The following SUGCT variants were observed in gnomAD, a reference collection of about 807,000 sequenced individuals.
The protein encoded by SUGCT is succinyl-CoA:glutarate CoA-transferase.
A neutral mutation model predicts 55.0 loss-of-function variants in SUGCT; 41 were observed. The ratio of observed to expected loss-of-function variants is 0.74; its 90% confidence interval spans 0.58 to 0.97. The LOEUF is 0.97. Among genes scored for constraint, SUGCT ranks in the 50% least tolerant of loss-of-function variants. The pLI, the probability that SUGCT is intolerant of heterozygous loss-of-function variation, is 0.00. For missense variants in SUGCT, 568 were observed against 547.8 expected (o/e 1.04, Z -0.37); for synonymous variants, 187 against 200.4 (o/e 0.93, Z 0.56).
At chr7:40,318,388 G>C (rs966304324) in intron 9 of SUGCT, among the ~76,000 whole-genome samples, 1 of 152,004 alleles carries the variant, frequency 6.6e-6, no homozygotes, top group African/African-American at 2.4e-5. Context: ...AACAATGTTG[G>C]AATCTATGGG....
Position 40,248,393 on chromosome 7 carries a change from T to C in SUGCT, c.576+10667T>C, listed in dbSNP as rs562291195. ...TATTTTAAATCATGTTTCCTGGAGA[T>C]TATCCTATATCAATACACTTGCTTT... On this transcript the variant is annotated intron_variant, in intron 7 of 13. Coordinates refer to ENST00000335693, the MANE Select transcript of SUGCT (RefSeq NM_001193313.2). 3.3e-5 allele frequency among the ~76,000 whole-genome samples: 5 copies of C among 152,250 alleles called. No individual in the cohort carries two copies. In the South Asian group the frequency reaches 1.0e-3, roughly 32 times the overall value.
the SUGCT span, among the ~76,000 whole-genome samples, chr7:40,957,466 T>A: frequency 1.0e-5 from 1 of 99,856 alleles, no homozygotes; most frequent in Non-Finnish European, 2.1e-5. Context: ...TTTTTTTTTT[T>A]TTTTTTGGCT....
intron 12 of SUGCT, among the ~76,000 whole-genome samples, chr7:40,639,168 C>G (rs1191221947): frequency 1.3e-5 from 2 of 152,154 alleles, no homozygotes; most frequent in Admixed American, 6.5e-5. Context: ...GCTATACTAT[C>G]TGTTTATAGC....
At chr7:40,535,663 A>G (rs1400977337) in intron 12 of SUGCT, among the ~76,000 whole-genome samples, 1 of 152,192 alleles carries the variant, frequency 6.6e-6, no homozygotes. Context: ...CATATATACT[A>G]TGGAATACTA....
At chr7:40,272,019 T>G (rs1792053203) in intron 7 of SUGCT, among the ~76,000 whole-genome samples, 1 of 150,792 alleles carries the variant, frequency 6.6e-6, no homozygotes, top group Non-Finnish European at 1.5e-5. Flanking sequence ...ATTTATTCTT[T>G]GCCCAGCTAA....
chr7:40,677,187 T>C (rs1562940781), intron 12 of SUGCT, among the ~76,000 whole-genome samples: 1 of 151,864 alleles, frequency 6.6e-6, no homozygotes, highest in Non-Finnish European at 1.5e-5. Flanking sequence ...ACAGAAAGAG[T>C]TGGAACCTCA....
chr7:40,950,294 GCACA>G, the SUGCT span, among the ~76,000 whole-genome samples: 23 of 152,266 alleles, frequency 1.5e-4, no homozygotes, highest in African/African-American at 5.3e-4. Flanking sequence ...TGTGATTTTT[GCACA>G]TTGATTTTGT....
chr7:40,909,432 G>T, the SUGCT span, among the ~76,000 whole-genome samples: 2 of 152,178 alleles, frequency 1.3e-5, no homozygotes, highest in Non-Finnish European at 2.9e-5. Flanking sequence ...CTCATGGGCT[G>T]TGGGCCAATG....
intron 9 of SUGCT, among the ~76,000 whole-genome samples, chr7:40,439,072 A>ATGG (rs367604896): frequency 3.9e-5 from 2 of 51,430 alleles, no homozygotes; most frequent in Admixed American, 4.0e-4. Context: ...GTGTATATAT[A>ATGG]TATATATATA....
chr7:40,448,265 C>T (rs1364600603), intron 9 of SUGCT, among the ~76,000 whole-genome samples: 1 of 123,260 alleles, frequency 8.1e-6, no homozygotes, highest in Non-Finnish European at 1.6e-5. Context: ...TTCCTTCCTT[C>T]TCCTTCCTTT....
the SUGCT span, among the ~76,000 whole-genome samples, chr7:40,918,607 A>C: frequency 6.6e-6 from 1 of 152,176 alleles, no homozygotes; most frequent in Admixed American, 6.5e-5. Context: ...AGACCTTATA[A>C]CCATTCTCCA....
At chr7:40,293,838 G>A (rs1240098335) in intron 8 of SUGCT, among the ~76,000 whole-genome samples, 1 of 152,146 alleles carries the variant, frequency 6.6e-6, no homozygotes, top group African/African-American at 2.4e-5. Context: ...AGTTGTAATT[G>A]TAGCAACTTT....
At chr7:40,715,286 G>A (rs1785961398) in intron 12 of SUGCT, among the ~76,000 whole-genome samples, 1 of 152,170 alleles carries the variant, frequency 6.6e-6, no homozygotes. Context: ...TGCGGGGTGG[G>A]ATGGGAAGTT....
intron 13 of SUGCT, among the ~76,000 whole-genome samples, chr7:40,810,326 C>CTT (rs2128756907): frequency 6.6e-6 from 1 of 152,228 alleles, no homozygotes; most frequent in Non-Finnish European, 1.5e-5. Context: ...GGTTTTAGGT[C>CTT]TTTGAGAAAT....
At chr7:40,987,585 T>G in the SUGCT span, among the ~76,000 whole-genome samples, 1 of 152,136 alleles carries the variant, frequency 6.6e-6, no homozygotes, top group Non-Finnish European at 1.5e-5. Flanking sequence ...TTCTATGACT[T>G]TGGAGGAAGG....
At chr7:40,517,260 T>A (rs1793293918) in intron 12 of SUGCT, among the ~76,000 whole-genome samples, 1 of 151,874 alleles carries the variant, frequency 6.6e-6, no homozygotes, top group Non-Finnish European at 1.5e-5. Flanking sequence ...TCCTTAGGAT[T>A]TTTTAAATGT....
chr7:40,181,612 G>C (rs1785213465), intron 2 of SUGCT, among the ~76,000 whole-genome samples: 1 of 152,096 alleles, frequency 6.6e-6, no homozygotes, highest in Admixed American at 6.5e-5. Flanking sequence ...CAGGCGTGGT[G>C]GTGGGCACCT....
chr7:40,627,610 C>T (rs779715611), intron 12 of SUGCT, among the ~76,000 whole-genome samples: 1 of 152,220 alleles, frequency 6.6e-6, no homozygotes, highest in Non-Finnish European at 1.5e-5. Flanking sequence ...AAGTTACACT[C>T]CTATGAAAAT....
At chr7:40,922,855 C>T in the SUGCT span, among the ~76,000 whole-genome samples, 1 of 152,194 alleles carries the variant, frequency 6.6e-6, no homozygotes, top group Non-Finnish European at 1.5e-5. Context: ...CCTCTTTGCC[C>T]CGGTGGTATT....
Sources: allele counts gnomAD v4.1 joint callset (sites outside exome capture counted in the v4.1 genomes callset), GRCh38; gene constraint gnomAD v4.1.1; transcripts MANE v1.5; gene names NCBI Gene and HGNC (gene_info 2026-07-23, HGNC 2026-07-21).